Variants in CNTN4 observed in about 807,000 individuals in gnomAD.
CNTN4 encodes contactin-4.
In CNTN4, 77 loss-of-function variants were observed where a neutral mutation model predicts 122.5. That is an observed-to-expected ratio of 0.63 (90% CI 0.52 to 0.76). The LOEUF (loss-of-function observed/expected upper bound fraction) is 0.76, where lower values mean the gene tolerates loss of function less well. CNTN4 is among the 30% of genes least tolerant of loss of function. The pLI is 0.00. For missense variants in CNTN4, 1,256 were observed against 1,259.1 expected, an observed-to-expected ratio of 1.00 and a Z score of 0.04; for synonymous variants, 512 against 447.0, an observed-to-expected ratio of 1.15 and a Z score of -1.83.
chr3:3,039,763 C>A, intron 19 of CNTN4: 4 of 385,578 alleles, frequency 1.0e-5, no homozygotes, highest in African/African-American at 2.1e-5. Flanking sequence ...TTTTTTTTTA[C>A]AATCATTTCC....
At chr3:2,184,952 TTTG>T (rs1328944146) in intron 2 of CNTN4, among the ~76,000 whole-genome samples, 1 of 152,176 alleles carries the variant, frequency 6.6e-6, no homozygotes, top group Non-Finnish European at 1.5e-5. Context: ...GGATGTGGCT[TTTG>T]TTACTTTGCT....
chr3:2,131,076 A>G (rs984253505), intron 2 of CNTN4, among the ~76,000 whole-genome samples: 2 of 152,214 alleles, frequency 1.3e-5, no homozygotes, highest in Non-Finnish European at 1.5e-5. Context: ...TGTTTATTCC[A>G]AGCCAGACAT....
intron 2 of CNTN4, among the ~76,000 whole-genome samples, chr3:2,125,325 A>G (rs934308924): frequency 1.4e-4 from 12 of 84,946 alleles, no homozygotes; most frequent in African/African-American, 4.4e-4. Context: ...GTAACATTCT[A>G]TTCTCTGTGT....
At chr3:2,949,192 G>A (rs1217858753) in intron 13 of CNTN4, among the ~76,000 whole-genome samples, 1 of 151,954 alleles carries the variant, frequency 6.6e-6, no homozygotes, top group East Asian at 1.9e-4. Context: ...GATCTTTAAT[G>A]AACAGCTCCT....
intron 2 of CNTN4, among the ~76,000 whole-genome samples, chr3:2,318,736 C>T (rs960831240): frequency 1.3e-5 from 2 of 152,148 alleles, no homozygotes; most frequent in Admixed American, 1.3e-4. Flanking sequence ...ACCTCCTGGG[C>T]TCAAGGGATC....
At chr3:2,705,221 A>G (rs1330656451) in intron 4 of CNTN4, among the ~76,000 whole-genome samples, 1 of 150,334 alleles carries the variant, frequency 6.7e-6, no homozygotes, top group Non-Finnish European at 1.5e-5. Flanking sequence ...ACAAAAAATT[A>G]GCTGGGCGTA....
chr3:2,564,923 T>C (rs2079095675), intron 3 of CNTN4, among the ~76,000 whole-genome samples: 1 of 152,196 alleles, frequency 6.6e-6, no homozygotes, highest in Non-Finnish European at 1.5e-5. Flanking sequence ...AGTGAAATGA[T>C]GATACATTAG....
At chr3:2,775,719 C>T (rs1024375768) in intron 6 of CNTN4, among the ~76,000 whole-genome samples, 1 of 152,158 alleles carries the variant, frequency 6.6e-6, no homozygotes, top group African/African-American at 2.4e-5. Context: ...CCACACCCAG[C>T]CCATTTAATT....
chr3:2,728,564 A>G (rs896789948), intron 4 of CNTN4, among the ~76,000 whole-genome samples: 3 of 152,208 alleles, frequency 2.0e-5, no homozygotes, highest in East Asian at 1.9e-4. Flanking sequence ...GCAATCTGAT[A>G]AAGCAACACG....
chr3:2,920,155 A>C (rs1252618685), intron 12 of CNTN4, among the ~76,000 whole-genome samples: 1 of 151,622 alleles, frequency 6.6e-6, no homozygotes, highest in Admixed American at 6.6e-5. Flanking sequence ...AAAAAGGAAC[A>C]AAAACTCCAA....
intron 3 of CNTN4, among the ~76,000 whole-genome samples, chr3:2,379,997 C>T (rs184039426): frequency 8.5e-4 from 121 of 142,742 alleles, no homozygotes; most frequent in Admixed American, 1.3e-3. Context: ...ATGGAGGTTG[C>T]GGTGAGCTGA....
At chr3:2,607,610 C>CCACACACACACACA (rs61707029) in intron 4 of CNTN4, among the ~76,000 whole-genome samples, 26 of 145,472 alleles carry the variant, frequency 1.8e-4, no homozygotes, top group East Asian at 6.0e-4. Context: ...ACATATGCAT[C>CCACACACACACACA]CACACACACA....
intron 2 of CNTN4, among the ~76,000 whole-genome samples, chr3:2,314,267 T>TTA (rs2043016629): frequency 6.6e-6 from 1 of 151,986 alleles, no homozygotes; most frequent in African/African-American, 2.4e-5. Flanking sequence ...CATATGTATA[T>TTA]ATATTAGAAT....
chr3:2,717,352 C>T lies in CNTN4; in HGVS notation c.56-18863C>T, dbSNP rs144457356. 1.7e-4 allele frequency among the ~76,000 whole-genome samples: 26 copies of T among 152,210 alleles called. No homozygotes were observed. The East Asian group carries it at 4.7e-3, about 27-fold the overall frequency. On this transcript the variant is annotated intron_variant, in intron 4 of 24. Transcript: ENST00000418658. ...TTGGTATATGTCAAGCAGAGGCTGCCTACATGACCAGCCCCCAGTGAAAAC... is the reference window on the plus strand; with the variant it reads ...TTGGTATATGTCAAGCAGAGGCTGCTTACATGACCAGCCCCCAGTGAAAAC...
intron 4 of CNTN4, among the ~76,000 whole-genome samples, chr3:2,572,396 AAAAAG>A (rs1277879748): frequency 2.0e-5 from 3 of 152,202 alleles, no homozygotes; most frequent in Non-Finnish European, 4.4e-5. Flanking sequence ...AAAAAAATAA[AAAAAG>A]AAAAGAAAAG....
chr3:2,400,428 C>CATATATATATATATATATATATAT (rs58112641), intron 3 of CNTN4, among the ~76,000 whole-genome samples: 5 of 95,822 alleles, frequency 5.2e-5, no homozygotes, highest in African/African-American at 7.3e-5. Flanking sequence ...TATATATATA[C>CATATATATATATATATATATATAT]ATATATATAT....
intron 2 of CNTN4, among the ~76,000 whole-genome samples, chr3:2,300,421 T>A (rs1338664003): frequency 6.6e-6 from 1 of 152,104 alleles, no homozygotes; most frequent in Non-Finnish European, 1.5e-5. Context: ...ACTTTTTCCT[T>A]AAAACCAAAG....
At chr3:2,291,789 G>A (rs907574928) in intron 2 of CNTN4, among the ~76,000 whole-genome samples, 4 of 151,840 alleles carry the variant, frequency 2.6e-5, no homozygotes, top group Non-Finnish European at 4.4e-5. Context: ...GCTAGAGGGC[G>A]ATGGCAGGAT....
chr3:2,514,480 A>C (rs958832571), intron 3 of CNTN4, among the ~76,000 whole-genome samples: 6 of 152,182 alleles, frequency 3.9e-5, no homozygotes, highest in African/African-American at 1.4e-4. Flanking sequence ...TTTAAAAAAA[A>C]AAAAATGAAT....
Sources: allele counts gnomAD v4.1 joint callset (sites outside exome capture counted in the v4.1 genomes callset), GRCh38; gene constraint gnomAD v4.1.1; transcripts MANE v1.5; gene names NCBI Gene and HGNC (gene_info 2026-07-23, HGNC 2026-07-21).